Variants in TRPM3 observed in about 807,000 individuals in gnomAD.
TRPM3 encodes long transient receptor potential channel 3.
Under a neutral mutation model 181.2 loss-of-function variants are expected in TRPM3, and 77 were observed. The observed-to-expected ratio is 0.42, with a 90% CI of 0.35 to 0.51. The LOEUF (loss-of-function observed/expected upper bound fraction) is 0.51, where lower values mean the gene tolerates loss of function less well. TRPM3 is among the 20% of genes least tolerant of loss of function. The pLI is 0.01. For missense variants in TRPM3, 1,759 were observed against 2,196.7 expected, an observed-to-expected ratio of 0.80 and a Z score of 3.98; for synonymous variants, 745 against 796.4, an observed-to-expected ratio of 0.94 and a Z score of 1.09.
intron 1 of TRPM3, among the ~76,000 whole-genome samples, chr9:71,433,738 T>C (rs2093991262): frequency 6.6e-6 from 1 of 152,250 alleles, no homozygotes; most frequent in Non-Finnish European, 1.5e-5. Context: ...ATTGGCTTTA[T>C]ATCTCTCTGA....
intron 1 of TRPM3, among the ~76,000 whole-genome samples, chr9:71,177,064 T>C (rs2077139986): frequency 6.6e-6 from 1 of 152,058 alleles, no homozygotes; most frequent in African/African-American, 2.4e-5. Flanking sequence ...CCACCTCCTG[T>C]CACATTAGCA....
At chr9:70,975,709 C>T (rs2097295325) in intron 1 of TRPM3, among the ~76,000 whole-genome samples, 1 of 152,164 alleles carries the variant, frequency 6.6e-6, no homozygotes. Context: ...CCCCAGCTAG[C>T]CCTTGTCCTA....
At chr9:70,784,834 G>A (rs1831143) in intron 6 of TRPM3, among the ~76,000 whole-genome samples, 29,462 of 151,994 alleles carry the variant, frequency 0.19, 2,963 homozygotes, top group South Asian at 0.24. Flanking sequence ...TTCTGGGTCT[G>A]TCTTTGACCA....
intron 1 of TRPM3, among the ~76,000 whole-genome samples, chr9:71,105,850 C>G (rs2069407074): frequency 6.6e-6 from 1 of 152,112 alleles, no homozygotes; most frequent in Non-Finnish European, 1.5e-5. Flanking sequence ...CAGTGGTTAC[C>G]TTGGGTGGTA....
chr9:70,569,994 T>A (rs1180340168), intron 22 of TRPM3, among the ~76,000 whole-genome samples: 1 of 152,204 alleles, frequency 6.6e-6, no homozygotes, highest in African/African-American at 2.4e-5. Context: ...TTCATGGGAC[T>A]TGACTTCCTC....
At chr9:70,563,566 CA>C (rs1283584253) in intron 22 of TRPM3, among the ~76,000 whole-genome samples, 5 of 152,098 alleles carry the variant, frequency 3.3e-5, no homozygotes, top group Admixed American at 2.6e-4. Flanking sequence ...ATTGAATGGC[CA>C]GTGACTAATC....
At chr9:71,387,628 A>ATTATT (rs1301650049) in intron 1 of TRPM3, among the ~76,000 whole-genome samples, 1 of 152,200 alleles carries the variant, frequency 6.6e-6, no homozygotes, top group African/African-American at 2.4e-5. Context: ...AAACAGCAAC[A>ATTATT]TTATTTTATT....
intron 1 of TRPM3, among the ~76,000 whole-genome samples, chr9:71,279,382 G>C (rs1048673771): frequency 6.6e-6 from 1 of 152,156 alleles, no homozygotes; most frequent in African/African-American, 2.4e-5. Flanking sequence ...GGGCAATAGA[G>C]GGTGTAGTTA....
intron 1 of TRPM3, among the ~76,000 whole-genome samples, chr9:71,431,434 T>C (rs772239741): frequency 3.0e-4 from 45 of 152,202 alleles, no homozygotes; most frequent in Admixed American, 7.9e-4. Flanking sequence ...CTCCTCAAAC[T>C]AAGCTTGTTT....
At chr9:70,688,842 G>GTTC (rs2067692920) in intron 8 of TRPM3, among the ~76,000 whole-genome samples, 1 of 152,066 alleles carries the variant, frequency 6.6e-6, no homozygotes, top group South Asian at 2.1e-4. Context: ...ATGCCCCTAT[G>GTTC]ATTCTCTAAG....
intron 1 of TRPM3, among the ~76,000 whole-genome samples, chr9:71,068,324 A>G (rs2062214122): frequency 6.6e-6 from 1 of 152,194 alleles, no homozygotes; most frequent in South Asian, 2.1e-4. Flanking sequence ...AGAGGACTGT[A>G]CTTTCTCAAT....
rs544041486 is a variant in TRPM3 at position 70,946,464 on chromosome 9, C to T, written c.178-81953G>A. Reference sequence around the variant, plus strand: ...ATAATAATAATAATAATAATAATAACAGCAGCAATATTCTAGGGTTGTTAT... The same window carrying T: ...ATAATAATAATAATAATAATAATAATAGCAGCAATATTCTAGGGTTGTTAT... On this transcript the variant is annotated intron_variant, in intron 1 of 25. Transcript: ENST00000677713. 6.2e-5 allele frequency among the ~76,000 whole-genome samples: 9 copies of T among 145,042 alleles called. No homozygotes were observed. In the South Asian group the frequency reaches 2.0e-3, roughly 32 times the overall value.
chr9:71,316,621 C>T (rs1261186428), intron 1 of TRPM3, among the ~76,000 whole-genome samples: 1 of 151,946 alleles, frequency 6.6e-6, no homozygotes, highest in East Asian at 1.9e-4. Flanking sequence ...AGGCCATAAG[C>T]CAAGGAATGA....
At chr9:71,214,281 AT>A (rs2079704619) in intron 1 of TRPM3, among the ~76,000 whole-genome samples, 8 of 151,630 alleles carry the variant, frequency 5.3e-5, no homozygotes, top group Non-Finnish European at 4.4e-5. Context: ...TCACAGTTTA[AT>A]ATATCAGAAT....
chr9:71,193,764 A>T (rs2078174295), intron 1 of TRPM3, among the ~76,000 whole-genome samples: 1 of 152,084 alleles, frequency 6.6e-6, no homozygotes, highest in Non-Finnish European at 1.5e-5. Flanking sequence ...CCAAGTAAGA[A>T]ATCTAAACTG....
intron 1 of TRPM3, among the ~76,000 whole-genome samples, chr9:70,977,149 T>A (rs532551100): frequency 1.4e-4 from 21 of 152,332 alleles, no homozygotes; most frequent in Middle Eastern, 3.4e-3. Context: ...TTATTTTTTT[T>A]TTTGAGATGG....
In TRPM3 at chr9:71,382,247, A is replaced by G. The variant is rs1381710608; in HGVS notation, c.183+64406T>C. On this transcript the variant is annotated intron_variant, in intron 1 of 24. Transcript: ENST00000357533. Reference sequence around the variant, plus strand: ...AAAACAGCTACATCTCTAACCCTCTATGAAAAACTCAACTGCTTAAATTAT... The same window carrying G: ...AAAACAGCTACATCTCTAACCCTCTGTGAAAAACTCAACTGCTTAAATTAT... Among the ~76,000 whole-genome samples, 3 of 152,164 alleles carry G rather than the reference A, an allele frequency of 2.0e-5. No individual in the cohort carries two copies. The East Asian group carries it at 5.8e-4, about 29-fold the overall frequency.
At chr9:70,666,440 C>T (rs1313590796) in intron 9 of TRPM3, among the ~76,000 whole-genome samples, 1 of 152,208 alleles carries the variant, frequency 6.6e-6, no homozygotes, top group Non-Finnish European at 1.5e-5. Context: ...AGAAAAACAT[C>T]TGCAGAAAGT....
chr9:71,434,816 G>T (rs1033866773), intron 1 of TRPM3, among the ~76,000 whole-genome samples: 1 of 152,062 alleles, frequency 6.6e-6, no homozygotes, highest in African/African-American at 2.4e-5. Flanking sequence ...TAACAGTGAT[G>T]TATAATAATT....
Sources: allele counts gnomAD v4.1 joint callset (sites outside exome capture counted in the v4.1 genomes callset), GRCh38; gene constraint gnomAD v4.1.1; transcripts MANE v1.5; gene names NCBI Gene and HGNC (gene_info 2026-07-23, HGNC 2026-07-21).